Variants in TBC1D9B observed in about 807,000 individuals in gnomAD.
TBC1D9B encodes the protein TBC1 domain family, member 9B (with GRAM domain).
In TBC1D9B, 87 loss-of-function variants were observed where a neutral mutation model predicts 121.1. The ratio of observed to expected loss-of-function variants is 0.72; its 90% CI spans 0.60 to 0.86. The LOEUF is 0.86. Ranked by LOEUF, TBC1D9B falls within the 40% of genes least tolerant of loss-of-function variation. TBC1D9B has a pLI of 0.00. For missense variants in TBC1D9B, 1,540 were observed against 1,628.6 expected, an observed-to-expected ratio of 0.95 and a Z score of 0.94; for synonymous variants, 668 against 670.1, an observed-to-expected ratio of 1.00 and a Z score of 0.05.
chr5:179,898,904 A>T (rs1761085414), intron 3 of TBC1D9B, among the ~76,000 whole-genome samples: 1 of 152,254 alleles, frequency 6.6e-6, no homozygotes, highest in Non-Finnish European at 1.5e-5. Context: ...TCTTCTGGCA[A>T]ACAGAACCGT....
intron 9 of TBC1D9B, 87 bp downstream of exon 9, chr5:179,878,960 G>C (rs1420884049): frequency 4.7e-6 from 7 of 1,493,882 alleles, no homozygotes; most frequent in Non-Finnish European, 6.2e-6. Context: ...CCAACTCCAG[G>C]CCGGCTCAGG....
intron 7 of TBC1D9B, among the ~76,000 whole-genome samples, chr5:179,883,629 A>C (rs1305262116): frequency 6.6e-6 from 1 of 151,730 alleles, no homozygotes; most frequent in African/African-American, 2.4e-5. Flanking sequence ...AACATTTTTA[A>C]TTTATACCAT....
intron 6 of TBC1D9B, among the ~76,000 whole-genome samples, chr5:179,889,597 G>A (rs1342517137): frequency 4.6e-5 from 7 of 152,088 alleles, no homozygotes; most frequent in Admixed American, 3.3e-4. Flanking sequence ...GTGTTAGGCC[G>A]GGTGTGGCGG....
Position 179,875,123 on chromosome 5 carries a change from C to T in TBC1D9B, c.1965G>A (p.Glu655=). ...AGATCACCCCCAGGTCCTGCATCTT[C>T]TCCGAGAGCTGCGGCAGGAAGTCTC... is the stretch of plus-strand genomic sequence containing the variant. ...LTRDFLPQLS[E]KMQDLGVISS... The change falls in exon 12 of 21, where the codon GAG becomes GAA. Residue 655 remains glutamate (E), a synonymous_variant. Transcript: ENST00000355235. The surrounding 1 kb of genome is among the most constrained non-coding windows in gnomAD (Gnocchi z 4.5). 6.2e-7 allele frequency: 1 copy of T among 1,614,028 alleles called. No individual in the cohort carries two copies. Among genetic ancestry groups the T allele is most frequent in the Non-Finnish European group, 8.5e-7 (1 of 1,180,038 alleles).
At chr5:179,906,157 A>C (rs1308259324) in intron 1 of TBC1D9B, among the ~76,000 whole-genome samples, 1 of 152,224 alleles carries the variant, frequency 6.6e-6, no homozygotes, top group Non-Finnish European at 1.5e-5. Context: ...GCTTGGATAA[A>C]ACCACATCCC....
chr5:179,880,223 C>T (rs1400231685), intron 7 of TBC1D9B, among the ~76,000 whole-genome samples: 3 of 152,158 alleles, frequency 2.0e-5, no homozygotes, highest in East Asian at 1.9e-4. Context: ...GGGTTTAGGG[C>T]GACTGCGTCA....
At chr5:179,901,465 G>C (rs1347141057) in intron 2 of TBC1D9B, among the ~76,000 whole-genome samples, 1 of 152,224 alleles carries the variant, frequency 6.6e-6, no homozygotes, top group Non-Finnish European at 1.5e-5. Flanking sequence ...CTCGCTGCCT[G>C]TGTGGATGTG....
chr5:179,870,150 C>T, intron 16 of TBC1D9B, 105 bp downstream of exon 16: 3 of 1,541,100 alleles, frequency 1.9e-6, no homozygotes, highest in Non-Finnish European at 2.6e-6. Flanking sequence ...TCAAGCTGCC[C>T]CCTACTTGCT....
At chr5:179,887,828 CAATGCAG>C in intron 7 of TBC1D9B, 3 of 516,890 alleles carry the variant, frequency 5.8e-6, no homozygotes, top group Non-Finnish European at 1.0e-5. Flanking sequence ...AGTGCAGCAG[CAATGCAG>C]AAAGGACAGC....
At chr5:179,884,356 C>T (rs1760619404) in intron 7 of TBC1D9B, 1 of 152,218 alleles carries the variant, frequency 6.6e-6, no homozygotes. Context: ...TCCTTCCCGC[C>T]ATTGCCTCAG....
Position 179,876,021 on chromosome 5 carries a change from G to T in TBC1D9B, c.1799C>A (p.Thr600Asn), listed in dbSNP as rs1349349457. 2 of 1,612,610 alleles carry T rather than the reference G, an allele frequency of 1.2e-6. No individual in the cohort carries two copies. The highest frequency in any genetic ancestry group is 1.7e-5 in the Admixed American group (1 of 59,896). Reference protein sequence around the residue: ...IGYCQAMNIVTSVLLLYGSEE... With the variant: ...IGYCQAMNIVNSVLLLYGSEE... ...ACTGCCATAGAGCAGGAGCACCGAGGTCACGATGTTCATTGCCTGCCGGGC... is the reference window on the plus strand; with the variant it reads ...ACTGCCATAGAGCAGGAGCACCGAGTTCACGATGTTCATTGCCTGCCGGGC... The change falls in exon 11 of 21, where the codon ACC becomes AAC. Residue 600 changes from threonine (T) to asparagine (N), a missense_variant. Coordinates refer to ENST00000355235, the MANE Select transcript of TBC1D9B (RefSeq NM_015043.4).
rs768128568 is a variant in TBC1D9B, at chr5:179,888,141, C to T, written c.1216G>A (p.Gly406Arg). The T allele has an allele frequency of 3.7e-6, 6 of 1,613,674 alleles. No homozygotes were observed. Among genetic ancestry groups the T allele is most frequent in the Admixed American group, 1.7e-5 (1 of 59,948 alleles). The part of the protein sequence containing the change: ...KTPSKQPGSI[G>R]SRKASVVDPS... The stretch of plus-strand genomic sequence containing the variant: ...TCCACAACACTGGCTTTCCTGCTCC[C>T]GATACTGCCTGGCTGCTTGGATGGT... The change falls in exon 7 of 21, where the codon GGG becomes AGG. Residue 406 changes from glycine (G) to arginine (R), a missense_variant. Physicochemically the swap from Gly to Arg is moderately radical, Grantham distance 125. Transcript: ENST00000355235.
intron 2 of TBC1D9B, among the ~76,000 whole-genome samples, chr5:179,901,003 CTG>C (rs1761151262): frequency 6.6e-6 from 1 of 152,206 alleles, no homozygotes; most frequent in Non-Finnish European, 1.5e-5. Flanking sequence ...CCGCTCAAGG[CTG>C]TGTCACAGCC....
chr5:179,863,315 CT>C lies in TBC1D9B; in HGVS notation c.*132del, dbSNP rs1759900721. 1 of 1,085,182 alleles carries C rather than the reference CT, an allele frequency of 9.2e-7. No homozygotes were observed. Among genetic ancestry groups the C allele is most frequent in the African/African-American group, 1.6e-5 (1 of 62,992 alleles). 67.2% of individuals were successfully genotyped at this position (1,085,182 alleles called of 1,614,324 possible). A position where few individuals can be genotyped will look rare whatever the true frequency, so the allele number is the denominator to read the frequency against. Reference sequence around the variant, plus strand: ...TGGGTCTGCACCAGCCTTCTTTCCACTCACAACTCACTGCTCCTGGGAGAGC... The same window carrying C: ...TGGGTCTGCACCAGCCTTCTTTCCACCACAACTCACTGCTCCTGGGAGAGC... On this transcript the variant is annotated 3_prime_UTR_variant, in exon 21 of 21. Transcript: ENST00000355235. This position sits in a 1 kb window ranked among gnomAD's most constrained non-coding sequence, Gnocchi z 4.5.
rs1761189508 is a variant in TBC1D9B at position 179,902,425 on chromosome 5, TG to T, written c.229+2276del. Among the ~76,000 whole-genome samples the T allele has an allele frequency of 6.6e-6, 1 of 152,030 alleles. No homozygotes were observed. Among genetic ancestry groups the T allele is most frequent in the Non-Finnish European group, 1.5e-5 (1 of 67,986 alleles). On this transcript the variant is annotated intron_variant, in intron 2 of 20. Coordinates refer to ENST00000355235, the MANE Select transcript of TBC1D9B (RefSeq NM_015043.4). This position sits in a 1 kb window ranked among gnomAD's most constrained non-coding sequence, Gnocchi z 4.9. ...GGGTCAGGACTCACTAAGCAGGTGC[TG>T]GCAGGGCCATGTCTGGTCTTGGTGA...
intron 8 of TBC1D9B, 83 bp downstream of exon 8, chr5:179,879,545 G>A: frequency 6.3e-7 from 1 of 1,598,096 alleles, no homozygotes; most frequent in Non-Finnish European, 8.6e-7. Context: ...CTGAGGGAAG[G>A]CCCAGGCCCA....
chr5:179,893,086 G>A (rs1385248561), intron 5 of TBC1D9B, 123 bp downstream of exon 5: 3 of 1,376,186 alleles, frequency 2.2e-6, no homozygotes, highest in East Asian at 4.9e-5. Context: ...CCCAAGTGGG[G>A]AGCCCATGAG....
intron 3 of TBC1D9B, among the ~76,000 whole-genome samples, chr5:179,898,153 T>C (rs1395440036): frequency 3.4e-5 from 1 of 29,020 alleles, no homozygotes; most frequent in Admixed American, 5.7e-4. Flanking sequence ...CCATCTCTAC[T>C]TTTTTTTTTT....
At chr5:179,870,191 T>G in intron 16 of TBC1D9B, 64 bp downstream of exon 16, 2 of 1,592,838 alleles carry the variant, frequency 1.3e-6, no homozygotes, top group South Asian at 2.3e-5. Context: ...ATGCTGGCAT[T>G]TGGAGGCTTC....
Sources: gnomAD v4.1 joint callset for allele counts (sites outside exome capture counted in the v4.1 genomes callset) on GRCh38, gnomAD v4.1.1 for gene constraint, Gnocchi (gnomAD v3.1) non-coding constraint, MANE v1.5 for transcripts, NCBI Gene and HGNC (gene_info 2026-07-23, HGNC 2026-07-21) for gene names.